PCDHAC1: variants seen among roughly 807,000 people sequenced by gnomAD.
The protein encoded by PCDHAC1 is protocadherin alpha-C1.
A neutral mutation model predicts 60.0 loss-of-function variants in PCDHAC1; 42 were observed. That is an observed-to-expected ratio of 0.70 (90% CI 0.55 to 0.90). The LOEUF is 0.90. PCDHAC1 is among the 40% of genes least tolerant of loss of function. PCDHAC1 has a pLI of 0.00. For synonymous variants in PCDHAC1, 468 were observed against 499.3 expected, an observed-to-expected ratio of 0.94 and a Z score of 0.84; for missense variants, 1,160 against 1,222.3, an observed-to-expected ratio of 0.95 and a Z score of 0.76.
chr5:141,000,780 A>G (rs2097963386), intron 3 of PCDHAC1, among the ~76,000 whole-genome samples: 1 of 151,780 alleles, frequency 6.6e-6, no homozygotes, highest in Admixed American at 6.6e-5. Context: ...AGTGGCGCAC[A>G]CCTGTATTCC....
Position 140,982,561 on chromosome 5 carries a change from C to T in PCDHAC1, c.2579C>T (p.Pro860Leu), listed in dbSNP as rs560422677. 11 of 1,614,060 alleles carry T rather than the reference C, an allele frequency of 6.8e-6. No individual in the cohort carries two copies. Among genetic ancestry groups the T allele is most frequent in the Non-Finnish European group, 9.3e-6 (11 of 1,179,970 alleles). Residue 860 changes from proline to leucine, a missense_variant and splice_region_variant, in exon 3 of 4, where the codon CCA becomes CTA. Pro to Leu is a moderately conservative substitution (Grantham distance 98). Around this residue, in one of 3 missense-constraint regions of PCDHAC1, gnomAD observed 1,113 missense variants for 1,163.7 expected, o/e 0.96. Coordinates refer to ENST00000253807, the MANE Select transcript of PCDHAC1 (RefSeq NM_018898.5). Reference protein sequence around the residue: ...QQWPTVSSATPEPEAGEVSPP... With the variant: ...QQWPTVSSATLEPEAGEVSPP... ...TGGCCAACAGTATCCAGTGCAACAC[C>T]AGGTAAAGAGCTGGGGTCTCTCCAT...
intron 3 of PCDHAC1, among the ~76,000 whole-genome samples, chr5:141,007,658 A>G (rs2098338890): frequency 6.6e-6 from 1 of 152,098 alleles, no homozygotes; most frequent in Non-Finnish European, 1.5e-5. Context: ...AAAAACCATA[A>G]ATTTACAAAG....
chr5:141,008,642 T>C (rs1554261860), intron 3 of PCDHAC1, among the ~76,000 whole-genome samples: 1 of 152,212 alleles, frequency 6.6e-6, no homozygotes, highest in Non-Finnish European at 1.5e-5. Flanking sequence ...AACAATTTCT[T>C]CTTCTGGAGT....
intron 1 of PCDHAC1, among the ~76,000 whole-genome samples, chr5:140,977,031 G>A (rs1554238180): frequency 6.6e-6 from 1 of 152,192 alleles, no homozygotes; most frequent in Admixed American, 6.5e-5. Context: ...ATGAATCTAA[G>A]AAGGATGTTG....
At chr5:140,947,010 A>C (rs924112965) in intron 1 of PCDHAC1, among the ~76,000 whole-genome samples, 7 of 151,752 alleles carry the variant, frequency 4.6e-5, no homozygotes, top group African/African-American at 1.4e-4. Flanking sequence ...AGAAATGATA[A>C]ATGTTTGAGG....
chr5:141,006,388 A>AT (rs2098271631), intron 3 of PCDHAC1, among the ~76,000 whole-genome samples: 1 of 151,322 alleles, frequency 6.6e-6, no homozygotes, highest in African/African-American at 2.4e-5. Flanking sequence ...AGTTTTTTCT[A>AT]TTTTTTAGTA....
chr5:141,009,878 A>G lies in PCDHAC1; in HGVS notation c.2833A>G (p.Asn945Asp). Residue 945 changes from asparagine to aspartate, a missense_variant, in exon 4 of 4, where the codon AAC (asparagine) becomes GAC (aspartate). Coordinates refer to ENST00000253807, the MANE Select transcript of PCDHAC1 (RefSeq NM_018898.5). ...TKKKKKKKKG[N>D]KTQEKKEKGN... ...GAAAAAGAAGAAAAAGAAGAAGGGT[A>G]ACAAGACCCAGGAGAAAAAAGAGAA... is the stretch of plus-strand genomic sequence containing the variant. 4 of 1,613,898 alleles carry G rather than the reference A, an allele frequency of 2.5e-6. No homozygotes were observed. Among genetic ancestry groups the G allele is most frequent in the South Asian group, 1.1e-5 (1 of 91,050 alleles).
At chr5:140,968,563 T>G in intron 1 of PCDHAC1, 1 of 1,614,204 alleles carries the variant, frequency 6.2e-7, no homozygotes, top group South Asian at 1.1e-5. Context: ...GAACTGCCCC[T>G]GCTGGCTACC....
rs782282264 is a variant in PCDHAC1, at chr5:141,009,955, A to C, written c.*18A>C. The C allele has an allele frequency of 6.3e-7, 1 of 1,592,536 alleles. No homozygotes were observed. The highest frequency in any genetic ancestry group is 2.2e-5 in the East Asian group (1 of 44,734). ...ACCAGTGAGGTCCTCAAATGGAAAC[A>C]AGCCACTTAGCCAGTTTTTGTAATA... is the stretch of plus-strand genomic sequence containing the variant. On this transcript the variant is annotated 3_prime_UTR_variant, in exon 4 of 4. Coordinates refer to ENST00000253807, the MANE Select transcript of PCDHAC1 (RefSeq NM_018898.5).
chr5:140,961,549 T>C (rs782360372), intron 1 of PCDHAC1, among the ~76,000 whole-genome samples: 3 of 152,220 alleles, frequency 2.0e-5, no homozygotes, highest in Non-Finnish European at 4.4e-5. Flanking sequence ...CTGCAGCATT[T>C]CTTTTTTTAA....
chr5:140,934,868 G>A (rs2090080725), intron 1 of PCDHAC1, among the ~76,000 whole-genome samples: 1 of 152,128 alleles, frequency 6.6e-6, no homozygotes, highest in African/African-American at 2.4e-5. Flanking sequence ...CTTTGTGAGT[G>A]TGTTTGTGTA....
At chr5:140,975,610 C>T (rs1412581927) in intron 1 of PCDHAC1, among the ~76,000 whole-genome samples, 5 of 152,160 alleles carry the variant, frequency 3.3e-5, no homozygotes, top group Non-Finnish European at 7.4e-5. Flanking sequence ...TGATGTCTTC[C>T]ACATGGATTT....
intron 1 of PCDHAC1, among the ~76,000 whole-genome samples, chr5:140,935,464 G>A (rs2090388076): frequency 6.6e-6 from 1 of 152,146 alleles, no homozygotes; most frequent in Admixed American, 6.5e-5. Context: ...AGCAGTTTAA[G>A]TTTTTGTCAT....
intron 2 of PCDHAC1, among the ~76,000 whole-genome samples, chr5:140,979,404 C>T (rs2096848893): frequency 6.6e-6 from 1 of 151,980 alleles, no homozygotes; most frequent in Non-Finnish European, 1.5e-5. Context: ...ATGTTGTCTA[C>T]CTTGTTTTTT....
At chr5:140,942,445 A>G (rs1323056710) in intron 1 of PCDHAC1, among the ~76,000 whole-genome samples, 5 of 152,016 alleles carry the variant, frequency 3.3e-5, no homozygotes, top group Non-Finnish European at 7.4e-5. Context: ...AAACAAGTAA[A>G]CTATCAATTA....
chr5:141,000,924 G>C (rs375816680), intron 3 of PCDHAC1, among the ~76,000 whole-genome samples: 97 of 152,046 alleles, frequency 6.4e-4, no homozygotes, highest in African/African-American at 2.2e-3. Context: ...AAAAAATCCT[G>C]TGTGATTTAG....
At chr5:140,935,073 A>G (rs77827614) in intron 1 of PCDHAC1, among the ~76,000 whole-genome samples, 63 of 152,260 alleles carry the variant, frequency 4.1e-4, no homozygotes, top group African/African-American at 1.3e-3. Context: ...ATTATCTTGT[A>G]CATTTCCTTT....
intron 3 of PCDHAC1, among the ~76,000 whole-genome samples, chr5:140,992,572 G>T (rs1441448703): frequency 2.0e-5 from 3 of 152,148 alleles, no homozygotes; most frequent in Non-Finnish European, 4.4e-5. Flanking sequence ...AACACATATT[G>T]CCTGCCTTGT....
rs184768008 is a variant in PCDHAC1 at position 140,933,949 on chromosome 5, G to C, written c.2433+4624G>C. ...GTTGTGACTTTTTTTCACATCTGCA[G>C]GATCTGTAGTGATGTTTCCCTTTTC... On this transcript the variant is annotated intron_variant, in intron 1 of 3. Coordinates refer to ENST00000253807, the MANE Select transcript of PCDHAC1 (RefSeq NM_018898.5). Among the ~76,000 whole-genome samples the C allele has an allele frequency of 8.5e-4, 129 of 151,910 alleles. 1 individual carries two copies. The highest frequency in any genetic ancestry group is 3.0e-3 in the African/African-American group (123 of 41,458).
Sources: allele counts gnomAD v4.1 joint callset (sites outside exome capture counted in the v4.1 genomes callset), GRCh38; gene constraint gnomAD v4.1.1; regional missense constraint gnomAD v4.1.1; transcripts MANE v1.5; gene names NCBI Gene and HGNC (gene_info 2026-07-23, HGNC 2026-07-21).